The following TMT1A variants were observed in gnomAD, a reference collection of about 807,000 sequenced individuals.
TMT1A encodes thiol S-methyltransferase TMT1A.
chr12:50,926,765 T>C, the TMT1A span, among the ~76,000 whole-genome samples: 3 of 152,212 alleles, frequency 2.0e-5, no homozygotes, highest in Non-Finnish European at 2.9e-5. Flanking sequence ...TATAAGTTAA[T>C]GGGAATGACA....
the TMT1A span, chr12:50,929,937 G>A: frequency 3.1e-6 from 5 of 1,613,430 alleles, no homozygotes; most frequent in Non-Finnish European, 4.2e-6. Flanking sequence ...ATTTCATGGA[G>A]CATGTGGCAG....
chr12:50,930,245 TG>T, the TMT1A span: 1 of 1,037,008 alleles, frequency 9.6e-7, no homozygotes, highest in Non-Finnish European at 1.3e-6. Flanking sequence ...ACCTTTTTTT[TG>T]GGGGGCGGTT....
the TMT1A span, chr12:50,932,108 GT>G: frequency 6.6e-6 from 1 of 152,086 alleles, no homozygotes; most frequent in Non-Finnish European, 1.5e-5. Flanking sequence ...AGGTTCTTGG[GT>G]TCATTTTCCT....
At chr12:50,929,895 T>C in the TMT1A span, 3 of 1,555,714 alleles carry the variant, frequency 1.9e-6, no homozygotes, top group Non-Finnish European at 2.6e-6. Context: ...AAATGTTTTT[T>C]TTTTTCTTTC....
chr12:50,929,592 A>G, the TMT1A span, among the ~76,000 whole-genome samples: 2 of 152,226 alleles, frequency 1.3e-5, no homozygotes, highest in Non-Finnish European at 2.9e-5. Context: ...AATTCCTACA[A>G]AGAGTAATTT....
chr12:50,925,360 A>G, the TMT1A span: 3 of 1,614,194 alleles, frequency 1.9e-6, no homozygotes, highest in Non-Finnish European at 2.5e-6. Flanking sequence ...GAAGTTTTTG[A>G]TCAAGAGCAT....
the TMT1A span, chr12:50,930,068 C>G: frequency 6.2e-7 from 1 of 1,614,082 alleles, no homozygotes; most frequent in Non-Finnish European, 8.5e-7. Context: ...GCCAGCTTCT[C>G]TAAGCTGAAG....
the TMT1A span, chr12:50,925,478 T>A: frequency 6.2e-7 from 1 of 1,614,066 alleles, no homozygotes; most frequent in Non-Finnish European, 8.5e-7. Context: ...ACCCTGGTGC[T>A]GTGCTCTGTG....
the TMT1A span, chr12:50,931,575 G>A: frequency 6.6e-6 from 1 of 151,700 alleles, no homozygotes; most frequent in East Asian, 1.9e-4. Flanking sequence ...GCCAGGCGTG[G>A]TGGTGGGTGC....
At chr12:50,930,066 C>T in the TMT1A span, 31 of 1,613,970 alleles carry the variant, frequency 1.9e-5, no homozygotes, top group Non-Finnish European at 2.4e-5. Context: ...GGGCCAGCTT[C>T]TCTAAGCTGA....
chr12:50,925,632 A>C, the TMT1A span: 1 of 1,348,212 alleles, frequency 7.4e-7, no homozygotes, highest in Non-Finnish European at 9.9e-7. Flanking sequence ...TTTAACATAA[A>C]AAGTAAACTA....
chr12:50,925,174 A>G, the TMT1A span: 2 of 1,614,170 alleles, frequency 1.2e-6, no homozygotes, highest in Non-Finnish European at 1.7e-6. Context: ...GTTCACTGTG[A>G]TATACAACGA....
At chr12:50,929,388 G>A in the TMT1A span, among the ~76,000 whole-genome samples, 1 of 152,210 alleles carries the variant, frequency 6.6e-6, no homozygotes, top group African/African-American at 2.4e-5. Context: ...AGGATAACTA[G>A]AGGAGGCCAA....
At chr12:50,929,284 C>T in the TMT1A span, among the ~76,000 whole-genome samples, 44 of 152,172 alleles carry the variant, frequency 2.9e-4, no homozygotes, top group Non-Finnish European at 5.7e-4. Flanking sequence ...TTTTTCTATT[C>T]GTAACATAGG....
chr12:50,928,332 G>A, the TMT1A span, among the ~76,000 whole-genome samples: 4 of 152,140 alleles, frequency 2.6e-5, no homozygotes, highest in African/African-American at 7.2e-5. Context: ...GGAAGAAATA[G>A]GCACGTGAAC....
At chr12:50,929,889 G>A in the TMT1A span, 1 of 1,240,834 alleles carries the variant, frequency 8.1e-7, no homozygotes, top group Non-Finnish European at 1.1e-6. Flanking sequence ...TCCTTGAAAT[G>A]TTTTTTTTTT....
At chr12:50,930,329 G>C in the TMT1A span, 3 of 554,818 alleles carry the variant, frequency 5.4e-6, no homozygotes, top group South Asian at 4.8e-5. Context: ...GCCCAGGCTG[G>C]AGTGCAATGA....
chr12:50,929,682 A>G, the TMT1A span, among the ~76,000 whole-genome samples: 213 of 152,362 alleles, frequency 1.4e-3, no homozygotes, highest in African/African-American at 4.9e-3. Flanking sequence ...TAGATGAATC[A>G]GAATTTTCAT....
chr12:50,931,300 G>A, the TMT1A span: 1 of 151,982 alleles, frequency 6.6e-6, no homozygotes. Context: ...TTTAAAAAGG[G>A]AGCAGTGAAA....
Sources: allele counts gnomAD v4.1 joint callset (sites outside exome capture counted in the v4.1 genomes callset), GRCh38; gene constraint gnomAD v4.1.1; transcripts MANE v1.5; gene names NCBI Gene and HGNC (gene_info 2026-07-23, HGNC 2026-07-21).